Variants in DOK6 observed in about 807,000 individuals in gnomAD.
DOK6 encodes the protein downstream of tyrosine kinase 6.
A neutral mutation model predicts 44.0 loss-of-function variants in DOK6; 22 were observed. The observed-to-expected ratio is 0.50, with a 90% CI of 0.36 to 0.71. The LOEUF is 0.71. Ranked by LOEUF, DOK6 falls within the 30% of genes least tolerant of loss-of-function variation. DOK6 has a pLI of 0.00. For synonymous variants in DOK6, 166 were observed against 145.5 expected (o/e 1.14, Z -1.01); for missense variants, 340 against 416.4 (o/e 0.82, Z 1.60).
At chr18:69,697,739 CTAA>C (rs1416203680) in intron 4 of DOK6, among the ~76,000 whole-genome samples, 1 of 152,112 alleles carries the variant, frequency 6.6e-6, no homozygotes, top group African/African-American at 2.4e-5. Context: ...GAATCATTGC[CTAA>C]TAATATTTTC....
chr18:69,711,796 C>G (rs1044907152), intron 5 of DOK6, among the ~76,000 whole-genome samples: 1 of 152,166 alleles, frequency 6.6e-6, no homozygotes, highest in African/African-American at 2.4e-5. Context: ...AACAATACCA[C>G]TTTGTATCAG....
intron 1 of DOK6, among the ~76,000 whole-genome samples, chr18:69,481,227 A>T (rs72957468): frequency 0.24 from 36,146 of 151,732 alleles, 4,621 homozygotes; most frequent in East Asian, 0.53. Flanking sequence ...TTTTTTTTAT[A>T]TTTTTTATTA....
intron 3 of DOK6, among the ~76,000 whole-genome samples, chr18:69,603,446 T>TA (rs1424354446): frequency 1.3e-5 from 2 of 152,130 alleles, no homozygotes; most frequent in African/African-American, 4.8e-5. Flanking sequence ...GCTACCATGT[T>TA]AGTCTCTTCC....
intron 1 of DOK6, among the ~76,000 whole-genome samples, chr18:69,474,996 T>C (rs1279550829): frequency 6.6e-6 from 1 of 152,176 alleles, no homozygotes; most frequent in Non-Finnish European, 1.5e-5. Context: ...CACAAAAATA[T>C]AGAACTTGAA....
At chr18:69,636,122 G>A (rs1351796115) in intron 3 of DOK6, among the ~76,000 whole-genome samples, 1 of 152,186 alleles carries the variant, frequency 6.6e-6, no homozygotes, top group Non-Finnish European at 1.5e-5. Context: ...CTTTTATGGA[G>A]AACTGTCCTC....
At chr18:69,578,407 T>A (rs1389926939) in intron 2 of DOK6, among the ~76,000 whole-genome samples, 1 of 152,222 alleles carries the variant, frequency 6.6e-6, no homozygotes, top group African/African-American at 2.4e-5. Flanking sequence ...GAGTTTGCAT[T>A]TTTGAAATTA....
intron 1 of DOK6, among the ~76,000 whole-genome samples, chr18:69,508,713 G>A (rs539242462): frequency 1.3e-5 from 2 of 152,066 alleles, no homozygotes; most frequent in South Asian, 2.1e-4. Flanking sequence ...GATCTACAGC[G>A]CCATTGCATA....
chr18:69,473,489 C>T (rs184941233), intron 1 of DOK6, among the ~76,000 whole-genome samples: 54 of 152,242 alleles, frequency 3.5e-4, no homozygotes, highest in African/African-American at 1.2e-3. Flanking sequence ...TTAGTGGTCC[C>T]TGTTAACTCA....
intron 7 of DOK6, among the ~76,000 whole-genome samples, chr18:69,838,090 T>TA (rs35810905): frequency 2.8e-4 from 40 of 145,442 alleles, no homozygotes; most frequent in African/African-American, 8.5e-4. Flanking sequence ...TTCTAGGATT[T>TA]AAAAAAAGTG....
chr18:69,547,930 T>A (rs1263601641), intron 1 of DOK6, among the ~76,000 whole-genome samples: 8 of 144,282 alleles, frequency 5.5e-5, no homozygotes, highest in Admixed American at 1.4e-4. Flanking sequence ...ATATAATATA[T>A]AATATATATA....
Position 69,497,042 on chromosome 18 carries a change from C to T in DOK6, c.67-67445C>T, listed in dbSNP as rs142308021. Among the ~76,000 whole-genome samples the T allele has an allele frequency of 5.3e-4, 80 of 152,150 alleles. 1 individual carries two copies. In the East Asian group the frequency reaches 0.014, roughly 26 times the overall value. ...AATAAAATATTAATTATTAAAACGG[C>T]CTTATGAGGTTGGTATTGCTGTCAG... On this transcript the variant is annotated intron_variant, in intron 1 of 7. Coordinates refer to ENST00000382713, the MANE Select transcript of DOK6 (RefSeq NM_152721.6).
intron 6 of DOK6, among the ~76,000 whole-genome samples, chr18:69,746,913 C>T (rs1200230496): frequency 6.6e-6 from 1 of 152,120 alleles, no homozygotes; most frequent in African/African-American, 2.4e-5. Flanking sequence ...TAATTCTCAT[C>T]TTATCTGTAT....
chr18:69,599,462 C>T lies in DOK6; in HGVS notation c.253C>T (p.His85Tyr). Residue 85 changes from histidine (H) to tyrosine (Y), a missense_variant, in exon 3 of 8, where the codon CAC becomes TAC. This residue lies in a region of DOK6 where 206 missense variants were observed against 258.6 expected (regional missense o/e 0.80). Transcript: ENST00000382713. Reference protein sequence around the residue: ...TKKHAVAIIFHDETSKTFACE... With the variant: ...TKKHAVAIIFYDETSKTFACE... The stretch of plus-strand genomic sequence containing the variant: ...GAAGCATGCGGTGGCAATCATCTTT[C>T]ACGATGAAACATCGAAGACATTTGC... 6.2e-7 allele frequency: 1 copy of T among 1,613,960 alleles called. No homozygotes were observed. Among genetic ancestry groups the T allele is most frequent in the Non-Finnish European group, 8.5e-7 (1 of 1,179,964 alleles).
intron 6 of DOK6, among the ~76,000 whole-genome samples, chr18:69,744,662 C>T (rs866778052): frequency 2.6e-5 from 4 of 152,050 alleles, no homozygotes; most frequent in South Asian, 2.1e-4. Flanking sequence ...GGGTGGCTCA[C>T]GCCTGTAACC....
intron 3 of DOK6, among the ~76,000 whole-genome samples, chr18:69,650,174 A>AT (rs1568322115): frequency 1.3e-5 from 2 of 152,140 alleles, no homozygotes; most frequent in East Asian, 3.9e-4. Context: ...AAATTTTAGG[A>AT]TTTTCTATGA....
intron 1 of DOK6, among the ~76,000 whole-genome samples, chr18:69,466,201 A>G (rs1252437701): frequency 4.6e-5 from 7 of 152,200 alleles, no homozygotes; most frequent in Middle Eastern, 3.4e-3. Flanking sequence ...GGCAACCACC[A>G]TCCTACGCTG....
intron 5 of DOK6, among the ~76,000 whole-genome samples, chr18:69,732,928 C>T (rs2144732819): frequency 6.6e-6 from 1 of 152,276 alleles, no homozygotes; most frequent in South Asian, 2.1e-4. Context: ...AACAGGTTTA[C>T]TTGACCCACA....
At chr18:69,778,120 G>A (rs547241112) in intron 7 of DOK6, among the ~76,000 whole-genome samples, 8 of 152,194 alleles carry the variant, frequency 5.3e-5, no homozygotes, top group African/African-American at 1.9e-4. Context: ...CATTAATAAA[G>A]TAACAAAGAA....
intron 6 of DOK6, among the ~76,000 whole-genome samples, chr18:69,755,487 ATTG>A (rs1309786079): frequency 2.0e-5 from 3 of 152,232 alleles, no homozygotes; most frequent in Admixed American, 6.5e-5. Flanking sequence ...GAATCTATGG[ATTG>A]TTGTTATTAA....
Sources: gnomAD v4.1 joint callset for allele counts (sites outside exome capture counted in the v4.1 genomes callset) on GRCh38, gnomAD v4.1.1 for gene constraint, gnomAD v4.1.1 regional missense constraint, MANE v1.5 for transcripts, NCBI Gene and HGNC (gene_info 2026-07-23, HGNC 2026-07-21) for gene names.